Variants in TMEM266 observed in about 807,000 individuals in gnomAD.
TMEM266 encodes the protein transmembrane protein 266.
A neutral mutation model predicts 50.5 loss-of-function variants in TMEM266; 33 were observed. The ratio of observed to expected loss-of-function variants is 0.65; its 90% confidence interval spans 0.50 to 0.87. TMEM266 has a LOEUF of 0.87. Among genes scored for constraint, TMEM266 ranks in the 40% least tolerant of loss-of-function variants. The pLI, the probability that TMEM266 is intolerant of heterozygous loss-of-function variation, is 0.00. For synonymous variants in TMEM266, 310 were observed against 292.3 expected, an observed-to-expected ratio of 1.06 and a Z score of -0.62; for missense variants, 655 against 695.1, an observed-to-expected ratio of 0.94 and a Z score of 0.65.
intron 3 of TMEM266, among the ~76,000 whole-genome samples, chr15:76,150,746 C>T (rs1229032042): frequency 6.6e-6 from 1 of 152,230 alleles, no homozygotes; most frequent in Non-Finnish European, 1.5e-5. Context: ...GGGGCTGTTT[C>T]AGTGCCAGGC....
At chr15:76,067,584 G>A (rs1473118810) in intron 1 of TMEM266, among the ~76,000 whole-genome samples, 1 of 147,164 alleles carries the variant, frequency 6.8e-6, no homozygotes, top group African/African-American at 2.5e-5. Context: ...AATGAGCCGA[G>A]ATTGCGCCAT....
chr15:76,141,361 A>C (rs902504002), intron 3 of TMEM266, among the ~76,000 whole-genome samples: 2 of 151,240 alleles, frequency 1.3e-5, no homozygotes, highest in Admixed American at 6.6e-5. Context: ...TCAGCCTCCC[A>C]AGTAACTGGG....
intron 3 of TMEM266, among the ~76,000 whole-genome samples, chr15:76,152,212 G>T (rs2037855119): frequency 1.3e-5 from 2 of 152,166 alleles, no homozygotes; most frequent in African/African-American, 2.4e-5. Flanking sequence ...CTTGCCCTGG[G>T]GTTACCAAGA....
intron 1 of TMEM266, among the ~76,000 whole-genome samples, chr15:76,104,489 A>G (rs1012588231): frequency 6.6e-6 from 1 of 152,302 alleles, no homozygotes; most frequent in African/African-American, 2.4e-5. Context: ...AGATGTGGTG[A>G]GATTTCCAGG....
In TMEM266 at chr15:76,158,241, T is replaced by A. The variant is rs897478053; in HGVS notation, c.382+1483T>A. 5.3e-5 allele frequency among the ~76,000 whole-genome samples: 8 copies of A among 152,196 alleles called. 1 individual carries two copies. Among genetic ancestry groups the A allele is most frequent in the African/African-American group, 1.9e-4 (8 of 41,452 alleles). On this transcript the variant is annotated intron_variant, in intron 4 of 10. Transcript: ENST00000388942. Reference sequence around the variant, plus strand: ...CTGCTCTCTCAGAGAGCGTGGACGGTGAGCACAGAATTGCTTTTGTCTGAT... The same window carrying A: ...CTGCTCTCTCAGAGAGCGTGGACGGAGAGCACAGAATTGCTTTTGTCTGAT...
At position 76,175,596 on chromosome 15, in the gene TMEM266, T is replaced by C; in HGVS notation, c.690T>C (p.Val230=). The change falls in exon 8 of 11, where the codon GTT becomes GTC. Residue 230 remains valine, a synonymous_variant. Coordinates refer to ENST00000388942, the MANE Select transcript of TMEM266 (RefSeq NM_152335.3). The stretch of plus-strand genomic sequence containing the variant: ...CAGTGAAGCTGGAGATGGAGATGGT[T>C]ATCCAGCAGTACGAGAAGGCCAAGG... 1.9e-6 allele frequency: 3 copies of C among 1,614,158 alleles called. No individual in the cohort carries two copies. The highest frequency in any genetic ancestry group is 2.5e-6 in the Non-Finnish European group (3 of 1,179,996).
At chr15:76,171,360 G>C (rs2038186047) in intron 7 of TMEM266, among the ~76,000 whole-genome samples, 1 of 152,220 alleles carries the variant, frequency 6.6e-6, no homozygotes, top group South Asian at 2.1e-4. Context: ...CCATTTAGGG[G>C]CCATGTGTTC....
intron 8 of TMEM266, 187 bp downstream of exon 8, chr15:76,175,861 C>G (rs2038268311): frequency 3.7e-6 from 2 of 541,730 alleles, no homozygotes; most frequent in Admixed American, 3.2e-5. Flanking sequence ...GATGTATAGC[C>G]CAGCCAGGCA....
In TMEM266 at chr15:76,156,608, A is replaced by C; in HGVS notation, c.232A>C (p.Asn78His). The C allele has an allele frequency of 6.2e-7, 1 of 1,613,830 alleles. No homozygotes were observed. The highest frequency in any genetic ancestry group is 8.5e-7 in the Non-Finnish European group (1 of 1,179,972). The change falls in exon 4 of 11, where the codon AAC (asparagine) becomes CAC (histidine). Residue 78 changes from asparagine (N) to histidine (H), a missense_variant. This residue lies in a region of TMEM266 where 99 missense variants were observed against 110.8 expected (regional missense o/e 0.89). Transcript: ENST00000388942. Reference sequence around the variant, plus strand: ...TCCCCACTTTTGTCCCCACAGGTCTAACTGGCTGAAGCCGTGCTGTGGGAA... The same window carrying C: ...TCCCCACTTTTGTCCCCACAGGTCTCACTGGCTGAAGCCGTGCTGTGGGAA...
intron 3 of TMEM266, among the ~76,000 whole-genome samples, chr15:76,141,381 G>A (rs1403540526): frequency 1.3e-5 from 2 of 151,748 alleles, no homozygotes; most frequent in South Asian, 2.1e-4. Context: ...GATTACAGAC[G>A]CGTGCAATCA....
chr15:76,150,213 CT>C (rs2037817274), intron 3 of TMEM266, among the ~76,000 whole-genome samples: 1 of 152,182 alleles, frequency 6.6e-6, no homozygotes, highest in Admixed American at 6.5e-5. Flanking sequence ...CTTGTATCCA[CT>C]GCTGGAGAGC....
intron 8 of TMEM266, among the ~76,000 whole-genome samples, chr15:76,186,868 G>A (rs1423754126): frequency 1.3e-5 from 2 of 152,152 alleles, no homozygotes; most frequent in East Asian, 3.9e-4. Flanking sequence ...ACATCTTACT[G>A]TGGCTCCAGG....
chr15:76,155,126 C>T (rs148765264), intron 3 of TMEM266, among the ~76,000 whole-genome samples: 100 of 152,306 alleles, frequency 6.6e-4, no homozygotes, highest in Non-Finnish European at 1.2e-3. Context: ...GAGGCAGAGG[C>T]GGAGGCCACA....
chr15:76,140,222 G>C (rs796629145), intron 3 of TMEM266, among the ~76,000 whole-genome samples: 3 of 152,342 alleles, frequency 2.0e-5, no homozygotes, highest in African/African-American at 7.2e-5. Context: ...TCAGCTGGGG[G>C]CGCCGATTGG....
At chr15:76,091,380 G>C (rs2036845732) in intron 1 of TMEM266, among the ~76,000 whole-genome samples, 1 of 150,698 alleles carries the variant, frequency 6.6e-6, no homozygotes, top group South Asian at 2.1e-4. Flanking sequence ...ACAGAGTAAT[G>C]TGTCTTAAAT....
chr15:76,084,260 G>A lies in TMEM266; in HGVS notation c.-97+24244G>A, dbSNP rs550948741. On this transcript the variant is annotated intron_variant, in intron 1 of 10. Transcript: ENST00000388942. ...GTCCAGAAGTTAGAGGCTACAATGA[G>A]CTGAGATTGCACCACTGCTCTCCAG... Among the ~76,000 whole-genome samples, 13 of 152,244 alleles carry A rather than the reference G, an allele frequency of 8.5e-5. 1 individual carries two copies. The East Asian group carries it at 2.3e-3, about 27-fold the overall frequency.
chr15:76,197,035 C>T (rs2038666898), intron 9 of TMEM266, among the ~76,000 whole-genome samples: 3 of 152,230 alleles, frequency 2.0e-5, no homozygotes, highest in Admixed American at 6.5e-5. Context: ...TCGCGTCCCC[C>T]ACGCTGCTGC....
intron 6 of TMEM266, 125 bp downstream of exon 6, chr15:76,169,997 T>C (rs1224533446): frequency 3.3e-6 from 3 of 915,056 alleles, no homozygotes; most frequent in South Asian, 1.5e-5. Context: ...ACTTGACCTC[T>C]GTGGCTGTGC....
At chr15:76,190,395 G>A (rs932764238) in intron 8 of TMEM266, among the ~76,000 whole-genome samples, 1 of 152,218 alleles carries the variant, frequency 6.6e-6, no homozygotes, top group East Asian at 1.9e-4. Flanking sequence ...TAAGGAGCTC[G>A]GGCTGTCTCC....
Sources: allele counts gnomAD v4.1 joint callset (sites outside exome capture counted in the v4.1 genomes callset), GRCh38; gene constraint gnomAD v4.1.1; regional missense constraint gnomAD v4.1.1; transcripts MANE v1.5; gene names NCBI Gene and HGNC (gene_info 2026-07-23, HGNC 2026-07-21).